SSUH2: variants seen among roughly 807,000 people sequenced by gnomAD.
SSUH2 encodes the protein protein SSUH2 homolog.
SSUH2 carries 47 observed loss-of-function variants against 55.3 expected under a neutral mutation model. The observed-to-expected ratio is 0.85, with a 90% CI of 0.67 to 1.08. The LOEUF is 1.08. Among genes scored for constraint, SSUH2 ranks in the 50% least tolerant of loss-of-function variants. SSUH2 has a pLI of 0.00. For missense variants in SSUH2, 535 were observed against 490.7 expected, an observed-to-expected ratio of 1.09 and a Z score of -0.85; for synonymous variants, 212 against 191.5, an observed-to-expected ratio of 1.11 and a Z score of -0.89.
intron 11 of SSUH2, among the ~76,000 whole-genome samples, chr3:8,622,378 T>C (rs901961847): frequency 6.6e-6 from 1 of 152,216 alleles, no homozygotes; most frequent in African/African-American, 2.4e-5. Flanking sequence ...GTTCTAGTCC[T>C]GGACCTGCCA....
chr3:8,665,094 G>C (rs1411978408), intron 5 of SSUH2, among the ~76,000 whole-genome samples: 3 of 151,920 alleles, frequency 2.0e-5, no homozygotes, highest in Non-Finnish European at 2.9e-5. Context: ...GAGTCCTTTT[G>C]TGTCAATGTT....
chr3:8,635,470 G>A, intron 2 of SSUH2, 89 bp from the exon 3 acceptor site: 1 of 993,260 alleles, frequency 1.0e-6, no homozygotes, highest in South Asian at 1.5e-5. Flanking sequence ...GATTGAATGT[G>A]AGAAAGAACA....
At chr3:8,627,645 GA>G in intron 8 of SSUH2, 52 bp downstream of exon 8, 4 of 1,443,460 alleles carry the variant, frequency 2.8e-6, no homozygotes, top group Admixed American at 2.4e-5. Flanking sequence ...GGCAGGCAAT[GA>G]AAAGCCAGAA....
chr3:8,626,422 G>T, intron 8 of SSUH2, 101 bp from the exon 9 acceptor site: 3 of 837,668 alleles, frequency 3.6e-6, no homozygotes, highest in Non-Finnish European at 6.1e-6. Context: ...GTAGACTGTG[G>T]TGGGCCTGCA....
chr3:8,662,736 C>T (rs955786470), intron 6 of SSUH2, among the ~76,000 whole-genome samples: 3 of 152,194 alleles, frequency 2.0e-5, no homozygotes, highest in African/African-American at 7.2e-5. Context: ...TTTCCCCAGG[C>T]TCCAACAGGG....
chr3:8,675,602 G>GA (rs34208931), intron 3 of SSUH2, among the ~76,000 whole-genome samples: 131,830 of 152,148 alleles, frequency 0.87, 57,623 homozygotes, highest in East Asian at 1. Flanking sequence ...GGATCAGAAA[G>GA]AAGCAGGTCA....
chr3:8,680,663 C>A (rs1236142550), intron 1 of SSUH2, among the ~76,000 whole-genome samples: 1 of 152,048 alleles, frequency 6.6e-6, no homozygotes, highest in Non-Finnish European at 1.5e-5. Context: ...TACAACATCC[C>A]TGGGGGTTTC....
chr3:8,677,082 G>A (rs1705443854), intron 3 of SSUH2: 1 of 145,900 alleles, frequency 6.9e-6, no homozygotes, highest in Non-Finnish European at 1.5e-5. Flanking sequence ...TTCCCCCTGT[G>A]GCTCTTAGGA....
chr3:8,626,470 T>A, intron 8 of SSUH2, 149 bp from the exon 9 acceptor site: 1 of 619,410 alleles, frequency 1.6e-6, no homozygotes, highest in Non-Finnish European at 2.9e-6. Context: ...CTCCTTCTGC[T>A]GGCAGTGCCC....
chr3:8,680,431 C>A lies in SSUH2; in HGVS notation c.-1045-582G>T, dbSNP rs148998051. ...AACTGTTTCACAGATGGGTGTACACCCTCGGTGTACAGAGGGTATACACCT... is the reference window on the plus strand; with the variant it reads ...AACTGTTTCACAGATGGGTGTACACACTCGGTGTACAGAGGGTATACACCT... On this transcript the variant is annotated intron_variant, in intron 1 of 18. Transcript: ENST00000317371. Among the ~76,000 whole-genome samples, 93 of 152,118 alleles carry A rather than the reference C, an allele frequency of 6.1e-4. 1 individual carries two copies. The highest frequency in any genetic ancestry group is 8.3e-4 in the South Asian group (4 of 4,806).
At chr3:8,666,420 A>G (rs919698781) in intron 5 of SSUH2, among the ~76,000 whole-genome samples, 4 of 152,176 alleles carry the variant, frequency 2.6e-5, no homozygotes, top group African/African-American at 4.8e-5. Context: ...CCTGAGATGC[A>G]GACCGTCAGG....
intron 3 of SSUH2, among the ~76,000 whole-genome samples, chr3:8,672,919 T>C (rs1704766503): frequency 6.6e-6 from 1 of 152,142 alleles, no homozygotes; most frequent in Non-Finnish European, 1.5e-5. Flanking sequence ...TGCTGCGATA[T>C]TGAACGTAAT....
chr3:8,667,908 T>G (rs1001364448), intron 5 of SSUH2, among the ~76,000 whole-genome samples: 1 of 152,104 alleles, frequency 6.6e-6, no homozygotes, highest in African/African-American at 2.4e-5. Flanking sequence ...GCATTACACC[T>G]GAGAATCCCT....
chr3:8,674,402 G>A (rs2124848091), intron 3 of SSUH2, among the ~76,000 whole-genome samples: 1 of 152,346 alleles, frequency 6.6e-6, no homozygotes, highest in Non-Finnish European at 1.5e-5. Flanking sequence ...TGGCAGAAGG[G>A]TTATTGGACT....
At chr3:8,634,387 C>T (rs1462177210) in intron 3 of SSUH2, 31 of 1,291,316 alleles carry the variant, frequency 2.4e-5, no homozygotes, top group African/African-American at 3.0e-5. Context: ...GAGGCCATGC[C>T]ACCCCCTTAC....
At chr3:8,659,829 A>G (rs1195351618) in intron 6 of SSUH2, 3 of 455,572 alleles carry the variant, frequency 6.6e-6, no homozygotes, top group East Asian at 7.0e-5. Flanking sequence ...AGAGATAGAG[A>G]AGGAGGCAAT....
chr3:8,654,891 G>A (rs1439589097), intron 7 of SSUH2, among the ~76,000 whole-genome samples: 1 of 146,624 alleles, frequency 6.8e-6, no homozygotes, highest in Admixed American at 6.8e-5. Context: ...GATCACAGTG[G>A]GTGGCCTCTT....
intron 1 of SSUH2, among the ~76,000 whole-genome samples, chr3:8,644,282 T>C (rs773465796): frequency 6.6e-6 from 1 of 152,108 alleles, no homozygotes; most frequent in Non-Finnish European, 1.5e-5. Flanking sequence ...CTGAATCCAA[T>C]TGTGATTGAA....
intron 7 of SSUH2, among the ~76,000 whole-genome samples, chr3:8,657,283 C>T (rs1703030434): frequency 8.2e-6 from 1 of 122,470 alleles, no homozygotes; most frequent in South Asian, 3.4e-4. Context: ...TGACACTGCA[C>T]TTGATGAGTA....
Sources: allele counts gnomAD v4.1 joint callset (sites outside exome capture counted in the v4.1 genomes callset), GRCh38; gene constraint gnomAD v4.1.1; transcripts MANE v1.5; gene names NCBI Gene and HGNC (gene_info 2026-07-23, HGNC 2026-07-21).